The following OXSR1 variants were observed in gnomAD, a reference collection of about 807,000 sequenced individuals.
OXSR1 encodes oxidative stress responsive kinase 1, also known as serine/threonine-protein kinase OSR1.
OXSR1 carries 24 observed loss-of-function variants against 79.8 expected under a neutral mutation model. That is an observed-to-expected ratio of 0.30 (90% confidence interval 0.22 to 0.42). The LOEUF (loss-of-function observed/expected upper bound fraction) is 0.42, where lower values mean the gene tolerates loss of function less well. Ranked by LOEUF, OXSR1 falls within the 10% of genes least tolerant of loss-of-function variation. The pLI, the probability that OXSR1 is intolerant of heterozygous loss-of-function variation, is 1.00. For missense variants in OXSR1, 430 were observed against 618.4 expected (o/e 0.70, Z 3.23); for synonymous variants, 226 against 209.2 (o/e 1.08, Z -0.69).
At chr3:38,213,189 G>A (rs1443405761) in intron 4 of OXSR1, among the ~76,000 whole-genome samples, 2 of 152,136 alleles carry the variant, frequency 1.3e-5, no homozygotes, top group Non-Finnish European at 2.9e-5. Flanking sequence ...ACAAAATGGT[G>A]TATGGTACAA....
At chr3:38,184,655 T>C (rs1451513294) in intron 2 of OXSR1, among the ~76,000 whole-genome samples, 1 of 152,154 alleles carries the variant, frequency 6.6e-6, no homozygotes, top group Non-Finnish European at 1.5e-5. Context: ...AAAGTTTAAA[T>C]AACTTAAGTT....
chr3:38,174,693 AGTG>A (rs1326411868), intron 1 of OXSR1, among the ~76,000 whole-genome samples: 1 of 152,188 alleles, frequency 6.6e-6, no homozygotes. Flanking sequence ...GATGGTGAGA[AGTG>A]GTCAGATTCT....
chr3:38,242,033 C>A (rs1703046814), intron 11 of OXSR1, among the ~76,000 whole-genome samples: 1 of 151,940 alleles, frequency 6.6e-6, no homozygotes, highest in African/African-American at 2.4e-5. Flanking sequence ...TGCCTGTATC[C>A]AGAATTACTG....
chr3:38,194,912 T>TA (rs1328310652), intron 3 of OXSR1, among the ~76,000 whole-genome samples: 1 of 152,232 alleles, frequency 6.6e-6, no homozygotes, highest in Non-Finnish European at 1.5e-5. Flanking sequence ...TTTAATAAGG[T>TA]AATTAAATCA....
intron 4 of OXSR1, among the ~76,000 whole-genome samples, chr3:38,206,499 A>T (rs890347692): frequency 7.4e-6 from 1 of 134,784 alleles, no homozygotes; most frequent in Non-Finnish European, 1.6e-5. Context: ...TTGCATTCTT[A>T]AAAAAAAAAA....
intron 3 of OXSR1, among the ~76,000 whole-genome samples, chr3:38,192,394 T>C (rs1467303816): frequency 6.6e-6 from 1 of 152,230 alleles, no homozygotes; most frequent in Non-Finnish European, 1.5e-5. Context: ...GGAATGGTAC[T>C]TAGAAAGCAT....
chr3:38,195,093 C>T (rs1702050770), intron 3 of OXSR1, among the ~76,000 whole-genome samples: 3 of 152,214 alleles, frequency 2.0e-5, no homozygotes, highest in South Asian at 4.2e-4. Context: ...TTTATTACTG[C>T]AGGAAGTTAA....
chr3:38,252,085 T>C (rs61663108), intron 16 of OXSR1, among the ~76,000 whole-genome samples: 1 of 152,312 alleles, frequency 6.6e-6, no homozygotes, highest in African/African-American at 2.4e-5. Context: ...CTCTTTTACC[T>C]GCATGTTTTT....
rs781548974 is a variant in OXSR1, at chr3:38,254,314, C to A, written c.*1423C>A. 1 of 398,120 alleles carries A rather than the reference C, an allele frequency of 2.5e-6. No homozygotes were observed. Among genetic ancestry groups the A allele is most frequent in the Middle Eastern group, 6.2e-4 (1 of 1,604 alleles). The allele number at this position is 398,120 out of a possible 1,614,324, so 24.7% of individuals were successfully genotyped here. ...TTGGAACATATCTGAAAACCTTCCC[C>A]ACAAATAACTTGTCACACCTTTTGT... On this transcript the variant is annotated 3_prime_UTR_variant, in exon 18 of 18. Coordinates refer to ENST00000311806, the MANE Select transcript of OXSR1 (RefSeq NM_005109.3).
chr3:38,246,157 A>G lies in OXSR1; in HGVS notation c.1193A>G (p.Gln398Arg). ...ISAHLPQPAGQIATQPTQVSL... is the reference protein window; with the variant it reads ...ISAHLPQPAGRIATQPTQVSL... ...GCTCATCTACCTCAGCCAGCTGGGC[A>G]GATTGCTACACAGCCAACTCAAGTC... Residue 398 changes from glutamine (Q) to arginine (R), a missense_variant, in exon 13 of 18, where the codon CAG becomes CGG. Around this residue, in one of 3 missense-constraint regions of OXSR1, gnomAD observed 276 missense variants for 354.2 expected, o/e 0.78. Transcript: ENST00000311806. The G allele has an allele frequency of 6.2e-7, 1 of 1,613,890 alleles. No homozygotes were observed.
chr3:38,208,917 A>C (rs1245340613), intron 4 of OXSR1, among the ~76,000 whole-genome samples: 1 of 152,144 alleles, frequency 6.6e-6, no homozygotes. Flanking sequence ...ATAAAAATAA[A>C]AATAAAAAAA....
At chr3:38,220,686 G>T (rs1348456922) in intron 5 of OXSR1, among the ~76,000 whole-genome samples, 1 of 152,200 alleles carries the variant, frequency 6.6e-6, no homozygotes, top group East Asian at 1.9e-4. Context: ...GATGCTGTTA[G>T]CATGGCTCAG....
intron 3 of OXSR1, chr3:38,193,352 A>G: frequency 1.6e-6 from 2 of 1,288,170 alleles, no homozygotes; most frequent in South Asian, 1.2e-5. Context: ...CTTTGCTAAC[A>G]CCAACCACCT....
chr3:38,187,525 T>G (rs989096689), intron 2 of OXSR1, among the ~76,000 whole-genome samples: 2 of 152,138 alleles, frequency 1.3e-5, no homozygotes, highest in African/African-American at 2.4e-5. Context: ...GGAGGAAAAC[T>G]GACTACATTT....
At chr3:38,219,779 A>AGATGAT (rs3058799) in intron 5 of OXSR1, among the ~76,000 whole-genome samples, 19,231 of 148,208 alleles carry the variant, frequency 0.13, 1,353 homozygotes, top group South Asian at 0.25. Context: ...AAAACTGTTA[A>AGATGAT]GATGATGATG....
At chr3:38,168,158 A>T (rs1177642952) in intron 1 of OXSR1, among the ~76,000 whole-genome samples, 1 of 152,218 alleles carries the variant, frequency 6.6e-6, no homozygotes, top group African/African-American at 2.4e-5. Context: ...AGGAACTCCA[A>T]TGTGATTTGA....
chr3:38,219,559 A>G (rs951921262), intron 5 of OXSR1, among the ~76,000 whole-genome samples: 1 of 152,180 alleles, frequency 6.6e-6, no homozygotes, highest in Admixed American at 6.5e-5. Context: ...CTTGTTAAGT[A>G]AGTACTGTTA....
intron 12 of OXSR1, among the ~76,000 whole-genome samples, chr3:38,243,003 G>GTTAGTTAT (rs1703066157): frequency 6.8e-6 from 1 of 146,166 alleles, no homozygotes; most frequent in Non-Finnish European, 1.5e-5. Context: ...GAAGTGAAAA[G>GTTAGTTAT]TTATTTATTT....
At chr3:38,212,204 AC>A (rs1702401516) in intron 4 of OXSR1, among the ~76,000 whole-genome samples, 1 of 152,216 alleles carries the variant, frequency 6.6e-6, no homozygotes, top group South Asian at 2.1e-4. Context: ...ATACACTGAG[AC>A]CTAGGCTTAG....
Sources: allele counts gnomAD v4.1 joint callset (sites outside exome capture counted in the v4.1 genomes callset), GRCh38; gene constraint gnomAD v4.1.1; regional missense constraint gnomAD v4.1.1; transcripts MANE v1.5; gene names NCBI Gene and HGNC (gene_info 2026-07-23, HGNC 2026-07-21).